DRC11: variants seen among roughly 807,000 people sequenced by gnomAD.
The protein encoded by DRC11 is dynein regulatory complex subunit 11.
the DRC11 span, among the ~76,000 whole-genome samples, chr2:236,358,584 C>G: frequency 2.7e-5 from 4 of 145,824 alleles, no homozygotes; most frequent in Non-Finnish European, 6.1e-5. Context: ...CTCCTTGAGT[C>G]TGTATAATAG....
At chr2:236,312,115 T>A in the DRC11 span, among the ~76,000 whole-genome samples, 51 of 152,306 alleles carry the variant, frequency 3.3e-4, no homozygotes, top group East Asian at 9.1e-3. Flanking sequence ...TATCCTAAGA[T>A]TCCAGATGTG....
the DRC11 span, among the ~76,000 whole-genome samples, chr2:236,448,651 A>AT: frequency 1.3e-5 from 2 of 151,332 alleles, no homozygotes; most frequent in Admixed American, 1.3e-4. This position sits in a 1 kb window ranked among gnomAD's most constrained non-coding sequence, Gnocchi z 5.3. Context: ...TATTATTATT[A>AT]TTTTTCAGTC....
chr2:236,326,387 A>AT, the DRC11 span, among the ~76,000 whole-genome samples: 1 of 151,912 alleles, frequency 6.6e-6, no homozygotes, highest in African/African-American at 2.4e-5. Flanking sequence ...ATTTTTATGG[A>AT]TTTTACCTTC....
chr2:236,352,321 G>A, the DRC11 span, among the ~76,000 whole-genome samples: 7 of 152,098 alleles, frequency 4.6e-5, no homozygotes, highest in Non-Finnish European at 1.0e-4. The surrounding 1 kb of genome is among the most constrained non-coding windows in gnomAD (Gnocchi z 7.0). Flanking sequence ...TCACAAAGAC[G>A]GGCAGACAGT....
chr2:236,343,872 T>G, the DRC11 span: 1 of 559,514 alleles, frequency 1.8e-6, no homozygotes, highest in African/African-American at 2.0e-5. The surrounding 1 kb of genome is among the most constrained non-coding windows in gnomAD (Gnocchi z 6.6). Flanking sequence ...CCACTCTTTA[T>G]CCAAATCATC....
chr2:236,324,718 T>C, the DRC11 span: 1 of 1,602,292 alleles, frequency 6.2e-7, no homozygotes, highest in Non-Finnish European at 8.5e-7. The surrounding 1 kb of genome is among the most constrained non-coding windows in gnomAD (Gnocchi z 5.7). Flanking sequence ...CCTTTGCCTT[T>C]TCTGTGCTGC....
the DRC11 span, chr2:236,391,415 G>A: frequency 1.4e-4 from 22 of 153,720 alleles, no homozygotes; most frequent in African/African-American, 3.6e-4. This position sits in a 1 kb window ranked among gnomAD's most constrained non-coding sequence, Gnocchi z 4.5. Context: ...AGAACTCTCC[G>A]CCCTCTACCT....
chr2:236,417,149 C>T, the DRC11 span, among the ~76,000 whole-genome samples: 7 of 152,116 alleles, frequency 4.6e-5, no homozygotes, highest in African/African-American at 1.4e-4. Flanking sequence ...GGATTACAGG[C>T]GTGAGCCACC....
the DRC11 span, chr2:236,332,807 G>A: frequency 6.6e-6 from 1 of 152,210 alleles, no homozygotes; most frequent in African/African-American, 2.4e-5. This position sits in a 1 kb window ranked among gnomAD's most constrained non-coding sequence, Gnocchi z 5.1. Context: ...CCTCTTTTGG[G>A]GGGTCCTTGG....
At chr2:236,356,896 T>G in the DRC11 span, among the ~76,000 whole-genome samples, 1 of 130,006 alleles carries the variant, frequency 7.7e-6, no homozygotes, top group African/African-American at 3.2e-5. Context: ...CTTTTTATAA[T>G]ATGTATATTT....
the DRC11 span, chr2:236,324,178 T>C: frequency 2.0e-5 from 3 of 152,384 alleles, no homozygotes; most frequent in Non-Finnish European, 4.4e-5. This position sits in a 1 kb window ranked among gnomAD's most constrained non-coding sequence, Gnocchi z 5.7. Flanking sequence ...TATTTCATTA[T>C]ATAAAATCTA....
At chr2:236,495,773 C>G in the DRC11 span, among the ~76,000 whole-genome samples, 2 of 152,184 alleles carry the variant, frequency 1.3e-5, no homozygotes, top group Non-Finnish European at 2.9e-5. The surrounding 1 kb of genome is among the most constrained non-coding windows in gnomAD (Gnocchi z 5.6). Flanking sequence ...ATGGTTCAGT[C>G]ACTATTTCTA....
At chr2:236,374,860 T>TC in the DRC11 span, among the ~76,000 whole-genome samples, 1 of 145,110 alleles carries the variant, frequency 6.9e-6, no homozygotes, top group Non-Finnish European at 1.5e-5. Flanking sequence ...CTGGCTAATT[T>TC]TTTTTTTTTT....
the DRC11 span, among the ~76,000 whole-genome samples, chr2:236,444,988 C>T: frequency 5.9e-5 from 9 of 152,198 alleles, no homozygotes; most frequent in Non-Finnish European, 1.0e-4. Flanking sequence ...GACCACGCTC[C>T]GCCACAGACC....
chr2:236,407,139 C>T, the DRC11 span, among the ~76,000 whole-genome samples: 12,019 of 152,230 alleles, frequency 0.079, 638 homozygotes, highest in Non-Finnish European at 0.12. Flanking sequence ...TTCCTCATGG[C>T]TTTGAGGGCT....
chr2:236,476,372 T>C, the DRC11 span, among the ~76,000 whole-genome samples: 1 of 152,188 alleles, frequency 6.6e-6, no homozygotes, highest in Non-Finnish European at 1.5e-5. This position sits in a 1 kb window ranked among gnomAD's most constrained non-coding sequence, Gnocchi z 4.7. Flanking sequence ...GATTTTTCAC[T>C]GTTTGCTATA....
At chr2:236,465,282 C>T in the DRC11 span, among the ~76,000 whole-genome samples, 1 of 152,086 alleles carries the variant, frequency 6.6e-6, no homozygotes, top group Non-Finnish European at 1.5e-5. This position sits in a 1 kb window ranked among gnomAD's most constrained non-coding sequence, Gnocchi z 6.2. Flanking sequence ...TGTCATGCAC[C>T]CATTATATTC....
At chr2:236,349,828 C>T in the DRC11 span, among the ~76,000 whole-genome samples, 3 of 152,104 alleles carry the variant, frequency 2.0e-5, no homozygotes, top group Non-Finnish European at 2.9e-5. This position sits in a 1 kb window ranked among gnomAD's most constrained non-coding sequence, Gnocchi z 5.5. Flanking sequence ...CCCTGTGACA[C>T]GAGTTTACCT....
At chr2:236,502,326 C>T in the DRC11 span, among the ~76,000 whole-genome samples, 40 of 151,978 alleles carry the variant, frequency 2.6e-4, no homozygotes, top group African/African-American at 9.6e-4. Context: ...CGCCTGTAAT[C>T]CCAGCACTGG....
Sources: allele counts gnomAD v4.1 joint callset (sites outside exome capture counted in the v4.1 genomes callset), GRCh38; gene constraint gnomAD v4.1.1; non-coding constraint Gnocchi (gnomAD v3.1); transcripts MANE v1.5; gene names NCBI Gene and HGNC (gene_info 2026-07-23, HGNC 2026-07-21).